The following DOK7 variants were observed in gnomAD, a reference collection of about 807,000 sequenced individuals.
The protein encoded by DOK7 is docking protein 7, also known as protein Dok-7.
Under a neutral mutation model 30.7 loss-of-function variants are expected in DOK7, and 32 were observed. The ratio of observed to expected loss-of-function variants is 1.04; its 90% confidence interval spans 0.79 to 1.40. The LOEUF (loss-of-function observed/expected upper bound fraction) is 1.40. Ranked by LOEUF, DOK7 falls within the 40% of genes most tolerant of loss-of-function variation. DOK7 has a pLI of 0.00. For missense variants in DOK7, 1,007 were observed against 699.2 expected (o/e 1.44, Z -4.97); for synonymous variants, 447 against 324.1 (o/e 1.38, Z -4.07).
chr4:3,483,603 C>T (rs1203464446), intron 4 of DOK7, among the ~76,000 whole-genome samples: 1 of 152,222 alleles, frequency 6.6e-6, no homozygotes, highest in Non-Finnish European at 1.5e-5. Context: ...GAGTGACGCT[C>T]CGCAGACGCC....
rs1577185208 is a variant in DOK7, at chr4:3,493,676, C to T, written c.*175C>T. On this transcript the variant is annotated 3_prime_UTR_variant, in exon 7 of 7. Transcript: ENST00000340083. Reference sequence around the variant, plus strand: ...CTGTGGCTGCCACCGGAGGAAGGGGCTGACTTGGGGAGGTGAGTTCTGGAA... The same window carrying T: ...CTGTGGCTGCCACCGGAGGAAGGGGTTGACTTGGGGAGGTGAGTTCTGGAA... 2.1e-6 allele frequency: 3 copies of T among 1,450,486 alleles called. No homozygotes were observed. The highest frequency in any genetic ancestry group is 2.5e-5 in the East Asian group (1 of 39,940). 89.9% of individuals were successfully genotyped at this position (1,450,486 alleles called of 1,614,324 possible). A position where few individuals can be genotyped will look rare whatever the true frequency, so the allele number is the denominator to read the frequency against.
chr4:3,495,593 G>C (rs1295107021), downstream of DOK7, among the ~76,000 whole-genome samples: 1 of 152,234 alleles, frequency 6.6e-6, no homozygotes, highest in African/African-American at 2.4e-5. Flanking sequence ...CGGCAGCCCA[G>C]GGTCTCCAGC....
chr4:3,493,374 A>G lies in DOK7; in HGVS notation c.1388A>G (p.Glu463Gly), dbSNP rs769974159. 276 of 1,596,034 alleles carry G rather than the reference A, an allele frequency of 1.7e-4. No individual in the cohort carries two copies. The highest frequency in any genetic ancestry group is 2.1e-4 in the Non-Finnish European group (246 of 1,172,020). ...GTGATGGAGGCCCCCCAGGGCAGCG[A>G]GGCCACACTGCCTGGCCCTGCCCCT... ...GLVMEAPQGS[E>G]ATLPGPAPGE... Residue 463 changes from glutamate to glycine, a missense_variant, in exon 7 of 7, where the codon GAG becomes GGG. By Grantham distance (98) the Glu-to-Gly change is moderately conservative. Coordinates refer to ENST00000340083, the MANE Select transcript of DOK7 (RefSeq NM_173660.5).
At position 3,473,720 on chromosome 4, in the gene DOK7, G is replaced by C. The variant is rs1046338453; in HGVS notation, c.331+84G>C. Reference sequence around the variant, plus strand: ...TCACCAACGTGGGCTGCAGAGGTGGGAGCGGCTCCAGGGAACCGTGCAGGA... The same window carrying C: ...TCACCAACGTGGGCTGCAGAGGTGGCAGCGGCTCCAGGGAACCGTGCAGGA... On this transcript the variant is annotated intron_variant, in intron 3 of 6. Coordinates refer to ENST00000340083, the MANE Select transcript of DOK7 (RefSeq NM_173660.5). 3.8e-6 allele frequency: 5 copies of C among 1,313,148 alleles called. No individual in the cohort carries two copies. The African/African-American group carries it at 5.9e-5, about 15-fold the overall frequency. The allele number at this position is 1,313,148 out of a possible 1,614,324, so 81.3% of individuals were successfully genotyped here.
intron 2 of DOK7, among the ~76,000 whole-genome samples, chr4:3,468,698 CTG>C (rs1415831245): frequency 1.7e-5 from 2 of 118,322 alleles, no homozygotes; most frequent in African/African-American, 3.6e-5. Flanking sequence ...GCATGTATGT[CTG>C]TGTATGTGTG....
intron 5 of DOK7, among the ~76,000 whole-genome samples, chr4:3,486,567 C>A (rs1727808154): frequency 6.6e-6 from 1 of 152,214 alleles, no homozygotes; most frequent in South Asian, 2.1e-4. Flanking sequence ...CCTGCCCACA[C>A]CAGCAAAGTC....
intron 6 of DOK7, among the ~76,000 whole-genome samples, chr4:3,490,407 A>ATTCATTCCTTCCTTCC (rs1728224430): frequency 1.4e-4 from 1 of 7,180 alleles, no homozygotes; most frequent in Non-Finnish European, 2.9e-4. Context: ...TCCTTCTTTC[A>ATTCATTCCTTCCTTCC]CCCCCCCCAC....
downstream of DOK7, among the ~76,000 whole-genome samples, chr4:3,498,573 AG>A (rs1467697980): frequency 1.3e-5 from 2 of 152,084 alleles, no homozygotes; most frequent in Non-Finnish European, 2.9e-5. Context: ...TCCAGACGCC[AG>A]GCCCCGGCGC....
intron 4 of DOK7, among the ~76,000 whole-genome samples, chr4:3,479,487 G>T (rs1407958247): frequency 2.6e-5 from 4 of 152,260 alleles, no homozygotes; most frequent in African/African-American, 9.6e-5. Flanking sequence ...TCACAGCTGG[G>T]CTGGAGTCGT....
At position 3,469,790 on chromosome 4, in the gene DOK7, G is replaced by A. The variant is rs149119547; in HGVS notation, c.101-3616G>A. 9.3e-4 allele frequency among the ~76,000 whole-genome samples: 141 copies of A among 152,330 alleles called. 2 individuals carry two copies. The highest frequency in any genetic ancestry group is 3.4e-3 in the Middle Eastern group (1 of 294). ...CGCTTTGCCCCCTGGCACTCCCCGA[G>A]AGATGCACTTTAAAAACAGGATCGA... On this transcript the variant is annotated intron_variant, in intron 2 of 6. Coordinates refer to ENST00000340083, the MANE Select transcript of DOK7 (RefSeq NM_173660.5).
Position 3,493,985 on chromosome 4 carries a change from C to T in DOK7, c.*484C>T. 1.0e-6 allele frequency: 1 copy of T among 975,030 alleles called. No homozygotes were observed. Among genetic ancestry groups the T allele is most frequent in the Non-Finnish European group, 1.2e-6 (1 of 829,312 alleles). 60.4% of individuals were successfully genotyped at this position (975,030 alleles called of 1,614,324 possible). ...GAGGCTCCGGCCACCTGGGCTCCAC[C>T]AGCCCAGCCCCCCTGGGCTCCGTGT... is the stretch of plus-strand genomic sequence containing the variant. On this transcript the variant is annotated 3_prime_UTR_variant, in exon 7 of 7. Coordinates refer to ENST00000340083, the MANE Select transcript of DOK7 (RefSeq NM_173660.5).
intron 2 of DOK7, among the ~76,000 whole-genome samples, chr4:3,464,060 C>T (rs995718220): frequency 6.6e-6 from 1 of 151,460 alleles, no homozygotes; most frequent in Non-Finnish European, 1.5e-5. Context: ...GGGTCCCCCC[C>T]CAGTCCCCGC....
At chr4:3,492,477 C>CG (rs1728537873) in intron 6 of DOK7, among the ~76,000 whole-genome samples, 1 of 111,684 alleles carries the variant, frequency 9.0e-6, no homozygotes, top group East Asian at 2.7e-4. Flanking sequence ...GGGGAGGAGG[C>CG]GGGGACCAAG....
rs1466933531 is a variant in DOK7 at position 3,490,120 on chromosome 4, CT to C, written c.772+328del. On this transcript the variant is annotated intron_variant, in intron 6 of 6. Coordinates refer to ENST00000340083, the MANE Select transcript of DOK7 (RefSeq NM_173660.5). ...TTCCTTTCTTCACCCCCATTCATTC[CT>C]TTTCTCCCTGCTCATTCATTCCTTC... 4.3e-4 allele frequency among the ~76,000 whole-genome samples: 51 copies of C among 118,500 alleles called. 1 individual carries two copies. The highest frequency in any genetic ancestry group is 2.0e-3 in the East Asian group (6 of 3,074). The allele number at this position is 118,500 out of a possible 152,430, so 77.7% of individuals were successfully genotyped here. A position where few individuals can be genotyped will look rare whatever the true frequency, so the allele number is the denominator to read the frequency against.
chr4:3,500,980 G>A, exon 8 of DOK7: 1 of 1,278,112 alleles, frequency 7.8e-7, no homozygotes, highest in Non-Finnish European at 1.0e-6. Context: ...GGTGCAAACA[G>A]GAAGTTTTCA....
chr4:3,497,174 G>A (rs545693878), downstream of DOK7, among the ~76,000 whole-genome samples: 1 of 152,148 alleles, frequency 6.6e-6, no homozygotes, highest in East Asian at 1.9e-4. Context: ...TGAAGGTTGG[G>A]AGACACAGAC....
intron 2 of DOK7, among the ~76,000 whole-genome samples, chr4:3,468,283 A>AGT (rs546322489): frequency 6.7e-6 from 1 of 148,988 alleles, no homozygotes; most frequent in East Asian, 2.0e-4. Context: ...TACCTGTGGG[A>AGT]GTGTGTGTGC....
chr4:3,496,918 G>A (rs529755794), downstream of DOK7: 1,011 of 1,489,070 alleles, frequency 6.8e-4, 2 homozygotes, highest in Non-Finnish European at 8.7e-4. Flanking sequence ...GGGAGTCTGG[G>A]TGGGCGCAGA....
intron 2 of DOK7, among the ~76,000 whole-genome samples, chr4:3,471,912 A>G (rs9993029): frequency 6.6e-6 from 1 of 152,228 alleles, no homozygotes; most frequent in Non-Finnish European, 1.5e-5. Flanking sequence ...AAGTGAACGC[A>G]CTGTCGCCGC....
Sources: allele counts gnomAD v4.1 joint callset (sites outside exome capture counted in the v4.1 genomes callset), GRCh38; gene constraint gnomAD v4.1.1; transcripts MANE v1.5; gene names NCBI Gene and HGNC (gene_info 2026-07-23, HGNC 2026-07-21).